AR: variants seen among roughly 807,000 people sequenced by gnomAD.
AR encodes androgen receptor.
AR carries 8 observed loss-of-function variants against 53.9 expected under a neutral mutation model. The ratio of observed to expected loss-of-function variants is 0.15; its 90% confidence interval spans 0.09 to 0.27. AR has a LOEUF of 0.27. Ranked by LOEUF, AR falls within the 10% of genes least tolerant of loss-of-function variation. The pLI is 1.00. For synonymous variants in AR, 359 were observed against 316.4 expected, an observed-to-expected ratio of 1.13 and a Z score of -1.43; for missense variants, 639 against 742.5, an observed-to-expected ratio of 0.86 and a Z score of 1.62.
Position 67,724,541 on chromosome X carries a change from C to T in AR, c.*700C>T, listed in dbSNP as rs1351688856. 3.5e-5 allele frequency: 6 copies of T among 173,032 alleles called. No individual in the cohort carries two copies. The highest frequency in any genetic ancestry group is 2.4e-4 in the East Asian group (3 of 12,321). The allele number at this position is 173,032 out of a possible 1,213,427, so 14.3% of individuals were successfully genotyped here. On this transcript the variant is annotated 3_prime_UTR_variant, in exon 8 of 8. Coordinates refer to ENST00000374690, the MANE Select transcript of AR (RefSeq NM_000044.6). ...ATTGCCATTAGAGGGCAGAGTGACC[C>T]CAGAGCTGAGTTGGGCAGGGGGGTG...
intron 3 of AR, among the ~76,000 whole-genome samples, chrX:67,704,905 C>G (rs978997764): frequency 1.8e-5 from 2 of 111,630 alleles, no homozygotes; most frequent in African/African-American, 3.2e-5. Context: ...AATAGGGAAT[C>G]TTTTCCCAAT....
intron 1 of AR, among the ~76,000 whole-genome samples, chrX:67,592,646 A>AC (rs1386372526): frequency 1.8e-5 from 2 of 108,940 alleles, no homozygotes; most frequent in Non-Finnish European, 3.8e-5. Context: ...GAAAAAAAAA[A>AC]AACTTTTTTT....
At chrX:67,608,605 G>T (rs1478336211) in intron 1 of AR, among the ~76,000 whole-genome samples, 1 of 111,771 alleles carries the variant, frequency 8.9e-6, no homozygotes, top group Non-Finnish European at 1.9e-5. Flanking sequence ...TGAAAAATTT[G>T]TAACATGAGT....
At chrX:67,657,859 T>A (rs1926663259) in intron 2 of AR, among the ~76,000 whole-genome samples, 1 of 112,185 alleles carries the variant, frequency 8.9e-6, no homozygotes, top group Non-Finnish European at 1.9e-5. Flanking sequence ...GTTGTATTCA[T>A]GTCCTTTTTT....
intron 1 of AR, among the ~76,000 whole-genome samples, chrX:67,632,246 C>T (rs1275700382): frequency 3.5e-5 from 4 of 113,486 alleles, no homozygotes; most frequent in African/African-American, 6.4e-5. Context: ...GCCTCGCTGC[C>T]ACCTTGCAGT....
Position 67,715,739 on chromosome X carries a change from C to T in AR, c.2174-1739C>T, listed in dbSNP as rs752641330. On this transcript the variant is annotated intron_variant, in intron 4 of 7. Transcript: ENST00000374690. ...ATGTTCCTTGTTGGTAAAATAAGTG[C>T]CACATCACCTAACCTCTGGGATTAT... 3.6e-5 allele frequency among the ~76,000 whole-genome samples: 4 copies of T among 112,185 alleles called. No homozygotes were observed. The East Asian group carries it at 1.1e-3, about 32-fold the overall frequency.
chrX:67,595,230 C>A (rs990889946), intron 1 of AR, among the ~76,000 whole-genome samples: 3 of 110,772 alleles, frequency 2.7e-5, no homozygotes, highest in Admixed American at 1.9e-4. Context: ...TTGATGAGAG[C>A]TGTGTCACAG....
chrX:67,689,183 T>G (rs2075982615), intron 3 of AR, among the ~76,000 whole-genome samples: 3 of 111,418 alleles, frequency 2.7e-5, no homozygotes, highest in African/African-American at 9.8e-5. Flanking sequence ...GAAAGGATTG[T>G]TTTTCAGCCC....
At chrX:67,689,513 C>T (rs1257712061) in intron 3 of AR, 1 of 892,957 alleles carries the variant, frequency 1.1e-6, no homozygotes, top group South Asian at 2.2e-5. Context: ...TTTTTCTTTC[C>T]TGCTTCCAGG....
At chrX:67,692,518 G>T (rs2076000165) in intron 3 of AR, among the ~76,000 whole-genome samples, 1 of 112,167 alleles carries the variant, frequency 8.9e-6, no homozygotes, top group African/African-American at 3.2e-5. Flanking sequence ...CTGTGGTATA[G>T]TGGAAATAGT....
chrX:67,625,867 A>G (rs1388130985), intron 1 of AR, among the ~76,000 whole-genome samples: 1 of 111,318 alleles, frequency 9.0e-6, no homozygotes, highest in Non-Finnish European at 1.9e-5. Flanking sequence ...TTTGGCTATA[A>G]CACCAAAAGC....
intron 1 of AR, among the ~76,000 whole-genome samples, chrX:67,635,057 C>T (rs921679193): frequency 9.2e-6 from 1 of 108,154 alleles, no homozygotes; most frequent in Non-Finnish European, 1.9e-5. Context: ...CCCGCAACCC[C>T]CACATGTATT....
At chrX:67,636,148 T>C (rs1353865485) in intron 1 of AR, among the ~76,000 whole-genome samples, 2 of 111,240 alleles carry the variant, frequency 1.8e-5, no homozygotes, top group Non-Finnish European at 3.8e-5. Flanking sequence ...TGGATTTTTG[T>C]CCATTTTGTT....
intron 1 of AR, among the ~76,000 whole-genome samples, chrX:67,633,995 G>A (rs916160177): frequency 1.8e-5 from 2 of 111,599 alleles, no homozygotes; most frequent in African/African-American, 3.3e-5. Flanking sequence ...AGTAATAGAT[G>A]TGAGTATGCT....
Position 67,544,093 on chromosome X carries a change from G to C in AR, c.-1054G>C, listed in dbSNP as rs1929594116. The C allele has an allele frequency of 5.9e-6, 1 of 170,575 alleles. No homozygotes were observed. Among genetic ancestry groups the C allele is most frequent in the Admixed American group, 7.9e-5 (1 of 12,617 alleles). 14.1% of individuals were successfully genotyped at this position (170,575 alleles called of 1,213,427 possible). A position where few individuals can be genotyped will look rare whatever the true frequency, so the allele number is the denominator to read the frequency against. On this transcript the variant is annotated 5_prime_UTR_variant, in exon 1 of 8. Transcript: ENST00000374690. ...ACGGTCCGGAGCAAGCCCAGAGGCA[G>C]AGGAGGCGACAGAGGGAAAAAGGGC...
At chrX:67,613,901 G>A (rs893321167) in intron 1 of AR, among the ~76,000 whole-genome samples, 5 of 112,502 alleles carry the variant, frequency 4.4e-5, no homozygotes, top group African/African-American at 1.3e-4. Context: ...ACCTGAATGT[G>A]TGGCAAAATT....
intron 2 of AR, among the ~76,000 whole-genome samples, chrX:67,660,980 C>T (rs758556008): frequency 7.2e-5 from 8 of 111,382 alleles, no homozygotes; most frequent in African/African-American, 9.8e-5. Context: ...GAAGCAATTG[C>T]AAATGGGAGT....
intron 1 of AR, among the ~76,000 whole-genome samples, chrX:67,561,962 G>C (rs1421614417): frequency 2.3e-5 from 2 of 88,454 alleles, no homozygotes; most frequent in African/African-American, 8.6e-5. Flanking sequence ...TTTTGAGATG[G>C]GAGTCTTCAC....
intron 1 of AR, among the ~76,000 whole-genome samples, chrX:67,584,823 G>A (rs151024149): frequency 2.6e-4 from 29 of 112,209 alleles, no homozygotes; most frequent in Non-Finnish European, 4.9e-4. Flanking sequence ...GGGTAGAGCA[G>A]GTCCTTCTTT....
Sources: allele counts gnomAD v4.1 joint callset (sites outside exome capture counted in the v4.1 genomes callset), GRCh38; gene constraint gnomAD v4.1.1; transcripts MANE v1.5; gene names NCBI Gene and HGNC (gene_info 2026-07-23, HGNC 2026-07-21).